Variants in CNKSR3 observed in about 807,000 individuals in gnomAD.
The protein encoded by CNKSR3 is CNKSR family member 3.
Under a neutral mutation model 67.7 loss-of-function variants are expected in CNKSR3, and 36 were observed. The observed-to-expected ratio is 0.53, with a 90% confidence interval of 0.41 to 0.70. The LOEUF is 0.70. CNKSR3 is among the 30% of genes least tolerant of loss of function. The pLI, the probability that CNKSR3 is intolerant of heterozygous loss-of-function variation, is 0.00. For synonymous variants in CNKSR3, 281 were observed against 271.4 expected (o/e 1.04, Z -0.35); for missense variants, 630 against 695.2 (o/e 0.91, Z 1.05).
Position 154,510,142 on chromosome 6 carries a change from T to A in CNKSR3, c.-28A>T. On this transcript the variant is annotated 5_prime_UTR_variant, in exon 1 of 13. Coordinates refer to ENST00000607772, the MANE Select transcript of CNKSR3 (RefSeq NM_173515.4). Reference sequence around the variant, plus strand: ...TAAACCGCTTCGCCTCTCGCTGGGCTGGAGAGTCGCAGATAAAGTGCTGCT... The same window carrying A: ...TAAACCGCTTCGCCTCTCGCTGGGCAGGAGAGTCGCAGATAAAGTGCTGCT... 6.2e-7 allele frequency: 1 copy of A among 1,613,882 alleles called. No homozygotes were observed. The highest frequency in any genetic ancestry group is 8.5e-7 in the Non-Finnish European group (1 of 1,179,840).
intron 1 of CNKSR3, among the ~76,000 whole-genome samples, chr6:154,498,584 G>C (rs1786923172): frequency 6.6e-6 from 1 of 152,104 alleles, no homozygotes; most frequent in African/African-American, 2.4e-5. Context: ...TTGCCTCCTG[G>C]CCCCTATAGG....
intron 1 of CNKSR3, among the ~76,000 whole-genome samples, chr6:154,492,170 C>T (rs1786795062): frequency 6.6e-6 from 1 of 152,224 alleles, no homozygotes; most frequent in Non-Finnish European, 1.5e-5. Context: ...GTTCTGGGAA[C>T]ACCTCCTTCG....
intron 12 of CNKSR3, among the ~76,000 whole-genome samples, chr6:154,407,655 C>T (rs994941430): frequency 1.3e-5 from 2 of 151,978 alleles, no homozygotes; most frequent in East Asian, 3.9e-4. Flanking sequence ...TGCGCACAAC[C>T]ACACCCAGCC....
intron 1 of CNKSR3, among the ~76,000 whole-genome samples, chr6:154,479,536 C>A (rs1433575224): frequency 6.6e-6 from 1 of 152,062 alleles, no homozygotes; most frequent in Non-Finnish European, 1.5e-5. Flanking sequence ...GGGTAAAAAT[C>A]GTTTCCATAT....
chr6:154,406,398 G>C lies in CNKSR3; in HGVS notation c.1624C>G (p.Leu542Val), dbSNP rs778299763. The C allele has an allele frequency of 1.2e-6, 2 of 1,614,136 alleles. No individual in the cohort carries two copies. The highest frequency in any genetic ancestry group is 4.5e-5 in the East Asian group (2 of 44,882). Reference sequence around the variant, plus strand: ...AGGCGCGTAAACCAGCTGACCAGGAGGGACGGTTCTGTGGACGAGGACTTC... The same window carrying C: ...AGGCGCGTAAACCAGCTGACCAGGACGGACGGTTCTGTGGACGAGGACTTC... ...ATKSSSTEPS[L>V]LVSWFTRLKL... The change falls in exon 13 of 13, where the codon CTC (leucine) becomes GTC (valine). Residue 542 changes from leucine (L) to valine (V), a missense_variant. Physicochemically the swap from Leu to Val is conservative, Grantham distance 32. Transcript: ENST00000607772.
Position 154,420,497 on chromosome 6 carries a change from G to A in CNKSR3, c.945+2009C>T, listed in dbSNP as rs1048208197. Reference sequence around the variant, plus strand: ...GAGGTCAGGAGATCGAGACCATCCCGGCTAAAACGGTGAAACCCCGTCTCT... The same window carrying A: ...GAGGTCAGGAGATCGAGACCATCCCAGCTAAAACGGTGAAACCCCGTCTCT... On this transcript the variant is annotated intron_variant, in intron 9 of 12. Transcript: ENST00000607772. Among the ~76,000 whole-genome samples, 11 of 151,672 alleles carry A rather than the reference G, an allele frequency of 7.3e-5. 1 individual carries two copies. Among genetic ancestry groups the A allele is most frequent in the East Asian group, 5.8e-4 (3 of 5,162 alleles).
At position 154,502,101 on chromosome 6, in the gene CNKSR3, C is replaced by T. The variant is rs114331718; in HGVS notation, c.52+7962G>A. Among the ~76,000 whole-genome samples the T allele has an allele frequency of 2.0e-3, 306 of 152,188 alleles. 2 individuals carry two copies. The highest frequency in any genetic ancestry group is 7.1e-3 in the African/African-American group (294 of 41,518). On this transcript the variant is annotated intron_variant, in intron 1 of 12. Coordinates refer to ENST00000607772, the MANE Select transcript of CNKSR3 (RefSeq NM_173515.4). ...TGAATAATAAGTGGGTAAACACATACGCCATACGTTATGCAAGGGGCTTTC... is the reference window on the plus strand; with the variant it reads ...TGAATAATAAGTGGGTAAACACATATGCCATACGTTATGCAAGGGGCTTTC...
rs1391852492 is a variant in CNKSR3 at position 154,454,779 on chromosome 6, C to T, written c.53-4521G>A. On this transcript the variant is annotated intron_variant, in intron 1 of 12. Coordinates refer to ENST00000607772, the MANE Select transcript of CNKSR3 (RefSeq NM_173515.4). ...TCAAGCTGTTCTCCTGCCTTAGCCT[C>T]CCAAAGTGCTAGGATTACAAGTGTG... Among the ~76,000 whole-genome samples, 3 of 151,774 alleles carry T rather than the reference C, an allele frequency of 2.0e-5. No homozygotes were observed. The East Asian group carries it at 5.9e-4, about 30-fold the overall frequency.
At chr6:154,497,807 G>A (rs1007745906) in intron 1 of CNKSR3, among the ~76,000 whole-genome samples, 5 of 121,438 alleles carry the variant, frequency 4.1e-5, no homozygotes, top group Non-Finnish European at 5.2e-5. Context: ...AAGAACTGAA[G>A]CTGGTGTTTC....
At chr6:154,429,325 C>T (rs890630002) in intron 6 of CNKSR3, among the ~76,000 whole-genome samples, 4 of 152,100 alleles carry the variant, frequency 2.6e-5, no homozygotes, top group Non-Finnish European at 5.9e-5. Context: ...CAAACACCAG[C>T]GCCTTCAGGT....
At chr6:154,485,397 C>T (rs1786647171) in intron 1 of CNKSR3, among the ~76,000 whole-genome samples, 3 of 152,192 alleles carry the variant, frequency 2.0e-5, no homozygotes, top group Admixed American at 2.0e-4. Context: ...CTACATTAAT[C>T]ACTTACTAAA....
At chr6:154,476,545 C>G (rs1443084268) in intron 1 of CNKSR3, among the ~76,000 whole-genome samples, 1 of 151,786 alleles carries the variant, frequency 6.6e-6, no homozygotes, top group Non-Finnish European at 1.5e-5. Flanking sequence ...GTTTCCCAGC[C>G]TTCAAGAGAG....
chr6:154,462,141 A>T (rs564101914), intron 1 of CNKSR3, among the ~76,000 whole-genome samples: 1 of 152,222 alleles, frequency 6.6e-6, no homozygotes, highest in African/African-American at 2.4e-5. Flanking sequence ...CAGGTTTTAG[A>T]ATATCCACAG....
At chr6:154,505,271 C>T (rs1287959898) in intron 1 of CNKSR3, among the ~76,000 whole-genome samples, 1 of 108,032 alleles carries the variant, frequency 9.3e-6, no homozygotes, top group Non-Finnish European at 2.1e-5. Flanking sequence ...AATAGTCAAG[C>T]ACCTTAAGAC....
intron 7 of CNKSR3, among the ~76,000 whole-genome samples, chr6:154,425,740 C>T (rs1439637830): frequency 6.6e-6 from 1 of 152,358 alleles, no homozygotes; most frequent in Non-Finnish European, 1.5e-5. Context: ...GGACTGAAGG[C>T]CTTGCTTGCT....
chr6:154,479,217 G>GAA (rs34458416), intron 1 of CNKSR3, among the ~76,000 whole-genome samples: 4,216 of 101,322 alleles, frequency 0.042, 88 homozygotes, highest in African/African-American at 0.071. Context: ...TGGATTCAGA[G>GAA]AAAAAAAAAA....
chr6:154,459,317 C>G (rs1582877840), intron 1 of CNKSR3, among the ~76,000 whole-genome samples: 1 of 152,020 alleles, frequency 6.6e-6, no homozygotes, highest in African/African-American at 2.4e-5. Context: ...AATAAAGATC[C>G]AACCACCAAG....
chr6:154,486,869 C>T (rs896094425), intron 1 of CNKSR3, among the ~76,000 whole-genome samples: 3 of 152,110 alleles, frequency 2.0e-5, no homozygotes, highest in Non-Finnish European at 2.9e-5. Flanking sequence ...AGGGATCCCA[C>T]TTTGTTGCCC....
intron 1 of CNKSR3, among the ~76,000 whole-genome samples, chr6:154,480,805 C>T (rs141058018): frequency 5.9e-5 from 9 of 152,306 alleles, no homozygotes; most frequent in African/African-American, 1.7e-4. Flanking sequence ...CACCATATCT[C>T]GCAATTACTA....
Sources: allele counts gnomAD v4.1 joint callset (sites outside exome capture counted in the v4.1 genomes callset), GRCh38; gene constraint gnomAD v4.1.1; transcripts MANE v1.5; gene names NCBI Gene and HGNC (gene_info 2026-07-23, HGNC 2026-07-21).